The following LRRTM4 variants were observed in gnomAD, a reference collection of about 807,000 sequenced individuals.
LRRTM4 encodes the protein leucine rich repeat transmembrane neuronal 4.
Under a neutral mutation model 47.6 loss-of-function variants are expected in LRRTM4, and 25 were observed. The observed-to-expected ratio is 0.53, with a 90% confidence interval of 0.38 to 0.73. The LOEUF is 0.73. Among genes scored for constraint, LRRTM4 ranks in the 30% least tolerant of loss-of-function variants. LRRTM4 has a pLI of 0.00. For missense variants in LRRTM4, 638 were observed against 713.4 expected (o/e 0.89, Z 1.20); for synonymous variants, 311 against 269.5 (o/e 1.15, Z -1.51).
rs1198049879 is a variant in LRRTM4, at chr2:76,799,367, T to C, written c.1552-50451A>G. ...GACAAAAACCACATGATTATCTCAA[T>C]AGATGCAGAAAAGGCCTTTGACAAA... On this transcript the variant is annotated intron_variant, in intron 3 of 3. Coordinates refer to ENST00000409884, the MANE Select transcript of LRRTM4 (RefSeq NM_001134745.3). Among the ~76,000 whole-genome samples, 4 of 110,020 alleles carry C rather than the reference T, an allele frequency of 3.6e-5. 1 individual carries two copies. Among genetic ancestry groups the C allele is most frequent in the African/African-American group, 9.2e-5 (2 of 21,676 alleles). The allele number at this position is 110,020 out of a possible 152,430, so 72.2% of individuals were successfully genotyped here.
chr2:77,430,664 T>C (rs1675335118), intron 3 of LRRTM4, among the ~76,000 whole-genome samples: 1 of 144,856 alleles, frequency 6.9e-6, no homozygotes, highest in Non-Finnish European at 1.5e-5. Flanking sequence ...GAGGTTGTGG[T>C]GAGCTGAGAC....
chr2:76,990,806 A>T (rs1041108652), intron 3 of LRRTM4, among the ~76,000 whole-genome samples: 2 of 151,716 alleles, frequency 1.3e-5, no homozygotes, highest in African/African-American at 4.8e-5. Context: ...GACCTAATAG[A>T]CACCTACAGA....
chr2:77,470,632 T>TACC (rs112062609), intron 3 of LRRTM4, among the ~76,000 whole-genome samples: 30 of 152,138 alleles, frequency 2.0e-4, no homozygotes, highest in African/African-American at 6.3e-4. Context: ...TGCACCCTGG[T>TACC]ACCACAGGGT....
At chr2:77,322,842 T>G (rs555641220) in intron 3 of LRRTM4, among the ~76,000 whole-genome samples, 110 of 150,948 alleles carry the variant, frequency 7.3e-4, no homozygotes, top group African/African-American at 2.6e-3. Context: ...TCTCTCTCTC[T>G]CTCTCTCTTT....
At position 77,521,495 on chromosome 2, in the gene LRRTM4, A is replaced by G. The variant is rs549212551; in HGVS notation, c.4+173T>C. On this transcript the variant is annotated intron_variant, in intron 2 of 3. Transcript: ENST00000409884. The stretch of plus-strand genomic sequence containing the variant: ...TTATAGATTAAAAAAAAAACACTGC[A>G]AAAAGGAAAATGATCTAAAAATATA... Among the ~76,000 whole-genome samples the G allele has an allele frequency of 2.6e-5, 4 of 152,062 alleles. No homozygotes were observed. In the South Asian group the frequency reaches 8.3e-4, roughly 32 times the overall value.
Position 76,847,721 on chromosome 2 carries a change from T to C in LRRTM4, c.1552-98805A>G, listed in dbSNP as rs534634452. Among the ~76,000 whole-genome samples, 38 of 152,252 alleles carry C rather than the reference T, an allele frequency of 2.5e-4. No homozygotes were observed. The East Asian group carries it at 6.9e-3, about 28-fold the overall frequency. On this transcript the variant is annotated intron_variant, in intron 3 of 3. Transcript: ENST00000409884. ...TAAACATTCCATAGACACTCACTTT[T>C]ATTTTACCTTTATTAACTACTTTAT...
Position 76,748,751 on chromosome 2 carries a change from C to G in LRRTM4, c.1717G>C (p.Ala573Pro). The G allele has an allele frequency of 6.2e-7, 1 of 1,613,682 alleles. No homozygotes were observed. Among genetic ancestry groups the G allele is most frequent in the Non-Finnish European group, 8.5e-7 (1 of 1,179,816 alleles). ...LELGRDHSFI[A>P]TIARSAAPAI... ...GGTGCTGCCGACCTGGCGATGGTGG[C>G]GATGAAGCTGTGGTCTCGGCCCAGC... The change falls in exon 4 of 4, where the codon GCC becomes CCC. Residue 573 changes from alanine (A) to proline (P), a missense_variant. Coordinates refer to ENST00000409884, the MANE Select transcript of LRRTM4 (RefSeq NM_001134745.3).
chr2:77,117,862 T>TAAAGC (rs1444718933), intron 3 of LRRTM4, among the ~76,000 whole-genome samples: 2 of 151,964 alleles, frequency 1.3e-5, no homozygotes, highest in East Asian at 3.9e-4. Context: ...AAGATTTCAA[T>TAAAGC]AGTTCATTGG....
At chr2:77,251,435 A>T (rs1042954841) in intron 3 of LRRTM4, among the ~76,000 whole-genome samples, 1 of 151,862 alleles carries the variant, frequency 6.6e-6, no homozygotes, top group African/African-American at 2.4e-5. Flanking sequence ...ATGGGAATGG[A>T]ATTGAGATGA....
chr2:76,778,483 T>C (rs1264548845), intron 3 of LRRTM4, among the ~76,000 whole-genome samples: 1 of 148,966 alleles, frequency 6.7e-6, no homozygotes, highest in Middle Eastern at 3.4e-3. Flanking sequence ...CCTGGGTTAG[T>C]CTTGGGAGAG....
intron 3 of LRRTM4, among the ~76,000 whole-genome samples, chr2:76,880,389 G>T (rs757547191): frequency 6.6e-6 from 1 of 152,054 alleles, no homozygotes; most frequent in Non-Finnish European, 1.5e-5. Flanking sequence ...ATCACTGAAG[G>T]CTCAGATTAT....
rs117182102 is a variant in LRRTM4, at chr2:76,828,704, C to A, written c.1552-79788G>T. The stretch of plus-strand genomic sequence containing the variant: ...GAAAAGGCACTTTAATTAATGTGAG[C>A]TCATATGAGCACAGTGTGCCTCCTC... On this transcript the variant is annotated intron_variant, in intron 3 of 3. Coordinates refer to ENST00000409884, the MANE Select transcript of LRRTM4 (RefSeq NM_001134745.3). Among the ~76,000 whole-genome samples, 20 of 151,932 alleles carry A rather than the reference C, an allele frequency of 1.3e-4. No homozygotes were observed. The East Asian group carries it at 3.7e-3, about 28-fold the overall frequency.
intron 3 of LRRTM4, among the ~76,000 whole-genome samples, chr2:77,340,278 T>A (rs1573279618): frequency 6.6e-6 from 1 of 151,662 alleles, no homozygotes; most frequent in African/African-American, 2.4e-5. Flanking sequence ...AGTGCATAGG[T>A]CCACAATTTA....
chr2:77,332,694 A>G (rs1671015861), intron 3 of LRRTM4, among the ~76,000 whole-genome samples: 1 of 152,210 alleles, frequency 6.6e-6, no homozygotes, highest in African/African-American at 2.4e-5. Flanking sequence ...TAAATCTATT[A>G]CATATTTTTA....
chr2:77,120,061 C>A (rs1197109470), intron 3 of LRRTM4, among the ~76,000 whole-genome samples: 2 of 151,750 alleles, frequency 1.3e-5, no homozygotes, highest in African/African-American at 2.4e-5. Flanking sequence ...CTCAGTGATC[C>A]AGGATATTTC....
chr2:77,300,114 T>C lies in LRRTM4; in HGVS notation c.1551+218204A>G, dbSNP rs13015342. Reference sequence around the variant, plus strand: ...ATGTACCTGCCTCGGCCTCCCAAAGTGCTGAAATTACAGGCAAGAGCCACT... The same window carrying C: ...ATGTACCTGCCTCGGCCTCCCAAAGCGCTGAAATTACAGGCAAGAGCCACT... On this transcript the variant is annotated intron_variant, in intron 3 of 3. Transcript: ENST00000409884. 3.2e-3 allele frequency among the ~76,000 whole-genome samples: 490 copies of C among 152,242 alleles called. 1 individual carries two copies. The highest frequency in any genetic ancestry group is 6.8e-3 in the Middle Eastern group (2 of 294).
chr2:77,387,921 A>T lies in LRRTM4; in HGVS notation c.1551+130397T>A, dbSNP rs142167453. ...ACATTCCACTTCATTGATAGTAAAAAAAAAATTGATCAGGATATTTAAATA... is the reference window on the plus strand; with the variant it reads ...ACATTCCACTTCATTGATAGTAAAATAAAAATTGATCAGGATATTTAAATA... On this transcript the variant is annotated intron_variant, in intron 3 of 3. Coordinates refer to ENST00000409884, the MANE Select transcript of LRRTM4 (RefSeq NM_001134745.3). 3.3e-3 allele frequency among the ~76,000 whole-genome samples: 495 copies of T among 152,240 alleles called. 9 individuals carry two copies. Among genetic ancestry groups the T allele is most frequent in the East Asian group, 0.028 (146 of 5,174 alleles).
chr2:76,862,762 A>G (rs72819263), intron 3 of LRRTM4, among the ~76,000 whole-genome samples: 2,748 of 152,330 alleles, frequency 0.018, 41 homozygotes, highest in Non-Finnish European at 0.024. Flanking sequence ...TGAACAATCT[A>G]AGAGCTGAAA....
At chr2:77,024,051 C>T (rs1678366236) in intron 3 of LRRTM4, among the ~76,000 whole-genome samples, 1 of 152,042 alleles carries the variant, frequency 6.6e-6, no homozygotes, top group African/African-American at 2.4e-5. Context: ...ATGGCAGTGG[C>T]AAGAGAAAAT....
Sources: gnomAD v4.1 joint callset for allele counts (sites outside exome capture counted in the v4.1 genomes callset) on GRCh38, gnomAD v4.1.1 for gene constraint, MANE v1.5 for transcripts, NCBI Gene and HGNC (gene_info 2026-07-23, HGNC 2026-07-21) for gene names.